Variants in MILR1 observed in about 807,000 individuals in gnomAD.
MILR1 encodes mast cell immunoglobulin like receptor 1.
A neutral mutation model predicts 18.5 loss-of-function variants in MILR1; 31 were observed. The observed-to-expected ratio is 1.68, with a 90% confidence interval of 1.26 to 2.26. The LOEUF (loss-of-function observed/expected upper bound fraction) is 2.26. Ranked by LOEUF, MILR1 falls within the 30% of genes most tolerant of loss-of-function variation. MILR1 has a pLI of 0.00. For missense variants in MILR1, 257 were observed against 157.4 expected, an observed-to-expected ratio of 1.63 and a Z score of -3.38; for synonymous variants, 85 against 56.2, an observed-to-expected ratio of 1.51 and a Z score of -2.30.
At chr17:64,459,020 A>G (rs1384304926) in intron 4 of MILR1, among the ~76,000 whole-genome samples, 1 of 152,190 alleles carries the variant, frequency 6.6e-6, no homozygotes, top group Non-Finnish European at 1.5e-5. Context: ...CCGGGACTTC[A>G]GTGGGTTCTG....
At chr17:64,477,940 A>C in the MILR1 span, 1 of 1,613,906 alleles carries the variant, frequency 6.2e-7, no homozygotes, top group South Asian at 1.1e-5. Flanking sequence ...CATTCTCCAA[A>C]GTAGTTTCAG....
chr17:64,452,547 C>T (rs1238964332), intron 2 of MILR1, 50 bp from the exon 3 acceptor site: 3 of 412,544 alleles, frequency 7.3e-6, no homozygotes, highest in Non-Finnish European at 1.3e-5. Context: ...ACCACCTTGC[C>T]CGGCCAGGAT....
At chr17:64,451,722 C>T (rs1361612335) in intron 2 of MILR1, among the ~76,000 whole-genome samples, 1 of 151,874 alleles carries the variant, frequency 6.6e-6, no homozygotes, top group Non-Finnish European at 1.5e-5. Flanking sequence ...CACTTGAGGT[C>T]AGGAGTTCAA....
chr17:64,478,758 G>T, the MILR1 span, among the ~76,000 whole-genome samples: 1 of 151,902 alleles, frequency 6.6e-6, no homozygotes, highest in Non-Finnish European at 1.5e-5. Flanking sequence ...TTAGCTGGGC[G>T]TGGTGGCAGG....
intron 5 of MILR1, among the ~76,000 whole-genome samples, chr17:64,464,249 T>C (rs2037497940): frequency 1.3e-5 from 2 of 151,196 alleles, no homozygotes; most frequent in South Asian, 4.2e-4. Context: ...CCTGAGTAGT[T>C]GGGACCACAG....
chr17:64,468,497 C>A lies in MILR1; in HGVS notation c.*216C>A. 2.2e-6 allele frequency: 1 copy of A among 458,970 alleles called. No individual in the cohort carries two copies. Among genetic ancestry groups the A allele is most frequent in the Non-Finnish European group, 3.6e-6 (1 of 279,392 alleles). 28.4% of individuals were successfully genotyped at this position (458,970 alleles called of 1,614,324 possible). On this transcript the variant is annotated 3_prime_UTR_variant, in exon 10 of 10. Transcript: ENST00000619286. ...AGAGATGGGGTTTCACTATGGTGGC[C>A]AGGCTGGTCTTGAACTCCTGACCTC... is the stretch of plus-strand genomic sequence containing the variant.
chr17:64,480,399 A>G, the MILR1 span: 2 of 1,369,926 alleles, frequency 1.5e-6, no homozygotes, highest in Non-Finnish European at 2.1e-6. Context: ...CCTAGAAAGA[A>G]ATAGAAAAAC....
chr17:64,474,360 C>A, the MILR1 span, among the ~76,000 whole-genome samples: 1 of 151,908 alleles, frequency 6.6e-6, no homozygotes, highest in African/African-American at 2.4e-5. Context: ...CAGGCGTGAG[C>A]CACCGTGCCC....
chr17:64,487,259 A>G, the MILR1 span: 1 of 152,226 alleles, frequency 6.6e-6, no homozygotes, highest in South Asian at 2.1e-4. Flanking sequence ...AAACTTTCTG[A>G]TACCTGGGAC....
chr17:64,464,109 G>A (rs2037493669), intron 5 of MILR1, among the ~76,000 whole-genome samples: 1 of 144,766 alleles, frequency 6.9e-6, no homozygotes. Context: ...GAGCCACCGC[G>A]CCTGACATTT....
chr17:64,497,220 T>TTG, the MILR1 span, among the ~76,000 whole-genome samples: 1 of 152,360 alleles, frequency 6.6e-6, no homozygotes, highest in East Asian at 1.9e-4. Flanking sequence ...TCCCTTCAGA[T>TTG]TGACTTTTTT....
At chr17:64,457,136 A>G (rs2037317091) in intron 3 of MILR1, among the ~76,000 whole-genome samples, 1 of 152,200 alleles carries the variant, frequency 6.6e-6, no homozygotes, top group Non-Finnish European at 1.5e-5. Flanking sequence ...TTGCACCCCA[A>G]TTCCTCAAAG....
chr17:64,477,698 C>A, the MILR1 span: 1 of 1,070,328 alleles, frequency 9.3e-7, no homozygotes, highest in Non-Finnish European at 1.3e-6. Context: ...AAAATATAAA[C>A]ACTGAATGAA....
At chr17:64,477,879 T>C in the MILR1 span, 2 of 1,613,256 alleles carry the variant, frequency 1.2e-6, no homozygotes, top group East Asian at 2.2e-5. Flanking sequence ...AATTTGGATA[T>C]ATGCATCATT....
the MILR1 span, chr17:64,491,580 C>T: frequency 5.8e-6 from 9 of 1,550,878 alleles, no homozygotes; most frequent in African/African-American, 1.2e-4. Context: ...ACTAGGGGAG[C>T]TGCCAAGCTG....
intron 3 of MILR1, among the ~76,000 whole-genome samples, chr17:64,456,110 C>T (rs987564458): frequency 7.2e-5 from 11 of 151,974 alleles, no homozygotes; most frequent in Non-Finnish European, 1.3e-4. Flanking sequence ...AGTCCCAACT[C>T]GGCCATTTAC....
chr17:64,490,917 C>G, the MILR1 span: 1 of 1,613,930 alleles, frequency 6.2e-7, no homozygotes, highest in Non-Finnish European at 8.5e-7. Flanking sequence ...TCCTTTCCGG[C>G]CTTCTTCATC....
At chr17:64,469,128 A>AAAGG (rs200381757), downstream of MILR1, among the ~76,000 whole-genome samples, 3 of 151,994 alleles carry the variant, frequency 2.0e-5, no homozygotes, top group East Asian at 1.9e-4. Flanking sequence ...AGAAAAAGGA[A>AAAGG]AAGGAAGGAA....
chr17:64,478,897 A>G, the MILR1 span, among the ~76,000 whole-genome samples: 2 of 152,200 alleles, frequency 1.3e-5, no homozygotes, highest in Non-Finnish European at 2.9e-5. Flanking sequence ...TCTGTCTTAA[A>G]AAAAAAGAAT....
Sources: allele counts gnomAD v4.1 joint callset (sites outside exome capture counted in the v4.1 genomes callset), GRCh38; gene constraint gnomAD v4.1.1; transcripts MANE v1.5; gene names NCBI Gene and HGNC (gene_info 2026-07-23, HGNC 2026-07-21).